Variants in SAMD4A observed in about 807,000 individuals in gnomAD.
SAMD4A encodes the protein protein Smaug homolog 1.
In SAMD4A, 33 loss-of-function variants were observed where a neutral mutation model predicts 81.3. The observed-to-expected ratio is 0.41, with a 90% CI of 0.31 to 0.54. SAMD4A has a LOEUF of 0.54. Ranked by LOEUF, SAMD4A falls within the 20% of genes least tolerant of loss-of-function variation. The pLI is 0.37. For synonymous variants in SAMD4A, 389 were observed against 382.1 expected (o/e 1.02, Z -0.21); for missense variants, 854 against 951.1 (o/e 0.90, Z 1.34).
intron 6 of SAMD4A, among the ~76,000 whole-genome samples, chr14:54,756,985 G>T (rs1456863482): frequency 6.6e-6 from 1 of 152,202 alleles, no homozygotes; most frequent in Admixed American, 6.5e-5. Context: ...GTGCCTCTTT[G>T]TGTTTATCAT....
intron 5 of SAMD4A, among the ~76,000 whole-genome samples, chr14:54,751,040 T>C (rs940867563): frequency 2.0e-5 from 3 of 152,254 alleles, no homozygotes; most frequent in African/African-American, 4.8e-5. Flanking sequence ...GGTGGGAAGA[T>C]TGCTTGAGCC....
chr14:54,747,521 T>C (rs2037996978), intron 4 of SAMD4A, among the ~76,000 whole-genome samples: 1 of 152,236 alleles, frequency 6.6e-6, no homozygotes, highest in Non-Finnish European at 1.5e-5. Flanking sequence ...TGTTTTGGAA[T>C]GTGTGTGGTC....
At chr14:54,759,433 A>G (rs1475958909) in intron 6 of SAMD4A, among the ~76,000 whole-genome samples, 1 of 151,976 alleles carries the variant, frequency 6.6e-6, no homozygotes, top group Non-Finnish European at 1.5e-5. Flanking sequence ...CCTCATGCCC[A>G]CGCTCATTTG....
At chr14:54,573,151 C>G (rs528517544) in intron 2 of SAMD4A, among the ~76,000 whole-genome samples, 1 of 152,318 alleles carries the variant, frequency 6.6e-6, no homozygotes, top group Non-Finnish European at 1.5e-5. Context: ...TTGGGTCAGT[C>G]TGGGATGACC....
chr14:54,763,810 C>T (rs982421657), intron 7 of SAMD4A, among the ~76,000 whole-genome samples: 5 of 152,186 alleles, frequency 3.3e-5, no homozygotes, highest in East Asian at 1.9e-4. Flanking sequence ...AAACCTAGTG[C>T]GTGTGTATAC....
chr14:54,637,215 G>C lies in SAMD4A; in HGVS notation c.197-64847G>C, dbSNP rs184578131. Among the ~76,000 whole-genome samples the C allele has an allele frequency of 6.9e-4, 104 of 151,708 alleles. No individual in the cohort carries two copies. The East Asian group carries it at 0.018, about 26-fold the overall frequency. ...CCTCGTCTCTACTAAAAATACAAAAGTTAGTTGGGCATGGTGGCGGACACC... is the reference window on the plus strand; with the variant it reads ...CCTCGTCTCTACTAAAAATACAAAACTTAGTTGGGCATGGTGGCGGACACC... On this transcript the variant is annotated intron_variant, in intron 2 of 12. Coordinates refer to ENST00000554335, the MANE Select transcript of SAMD4A (RefSeq NM_015589.6).
chr14:54,700,001 C>T (rs1011874018), intron 2 of SAMD4A, among the ~76,000 whole-genome samples: 1 of 152,236 alleles, frequency 6.6e-6, no homozygotes, highest in African/African-American at 2.4e-5. Flanking sequence ...GTTGTAAGCA[C>T]AGTAAACCCA....
chr14:54,603,391 A>G (rs1315052509), intron 2 of SAMD4A, among the ~76,000 whole-genome samples: 12 of 152,240 alleles, frequency 7.9e-5, no homozygotes, highest in Non-Finnish European at 1.8e-4. Context: ...TTTTATGAAT[A>G]TGGATTTTAA....
At chr14:54,584,056 G>T (rs763357087) in intron 2 of SAMD4A, among the ~76,000 whole-genome samples, 15 of 152,126 alleles carry the variant, frequency 9.9e-5, no homozygotes, top group Non-Finnish European at 7.3e-5. Context: ...CTGTCCCATA[G>T]ATAACCTTCT....
At chr14:54,656,011 A>G (rs2035512035) in intron 2 of SAMD4A, among the ~76,000 whole-genome samples, 2 of 152,228 alleles carry the variant, frequency 1.3e-5, no homozygotes, top group South Asian at 2.1e-4. Context: ...TGTTTGGCAT[A>G]TAATAAATGG....
At chr14:54,670,036 G>A (rs897289202) in intron 2 of SAMD4A, among the ~76,000 whole-genome samples, 4 of 152,136 alleles carry the variant, frequency 2.6e-5, no homozygotes, top group Admixed American at 6.5e-5. Flanking sequence ...CGTTGTGAAC[G>A]CACTGAGTGT....
In SAMD4A at chr14:54,694,623, A is replaced by G. The variant is rs1472854694; in HGVS notation, c.197-7439A>G. The G allele has an allele frequency of 5.1e-6, 5 of 985,508 alleles. No individual in the cohort carries two copies. In the African/African-American group the frequency reaches 5.2e-5, roughly 10 times the overall value. The allele number at this position is 985,508 out of a possible 1,614,324, so 61.0% of individuals were successfully genotyped here. On this transcript the variant is annotated intron_variant, in intron 2 of 12. Transcript: ENST00000554335. ...CAAACGTGGAGTTGTCTGCATACTC[A>G]TGGGCCAGAGGTCAGAACCGAGGCA...
intron 3 of SAMD4A, among the ~76,000 whole-genome samples, chr14:54,724,082 C>T (rs188901604): frequency 6.8e-5 from 10 of 146,158 alleles, no homozygotes; most frequent in South Asian, 2.2e-4. Flanking sequence ...CATAGGACCC[C>T]CACAGCAACC....
At chr14:54,656,960 A>T (rs1462979270) in intron 2 of SAMD4A, among the ~76,000 whole-genome samples, 1 of 151,424 alleles carries the variant, frequency 6.6e-6, no homozygotes, top group Non-Finnish European at 1.5e-5. Flanking sequence ...AACCACTGAC[A>T]TGATTTTTTT....
intron 5 of SAMD4A, among the ~76,000 whole-genome samples, chr14:54,750,624 G>A (rs1448566683): frequency 1.3e-5 from 2 of 152,164 alleles, no homozygotes; most frequent in Admixed American, 6.5e-5. Context: ...CAAAAGACAA[G>A]CTGCAAACTA....
chr14:54,755,013 G>A (rs925164209), intron 6 of SAMD4A: 21 of 222,700 alleles, frequency 9.4e-5, no homozygotes, highest in Non-Finnish European at 7.6e-5. Flanking sequence ...ATAGCAGGTG[G>A]GGGAAGCTTC....
intron 2 of SAMD4A, among the ~76,000 whole-genome samples, chr14:54,584,936 A>G (rs577410949): frequency 6.6e-6 from 1 of 152,302 alleles, no homozygotes; most frequent in Non-Finnish European, 1.5e-5. Context: ...GAAGAATTAT[A>G]TTTCTATTGT....
At chr14:54,783,083 C>A (rs1156568178) in intron 11 of SAMD4A, among the ~76,000 whole-genome samples, 4 of 152,052 alleles carry the variant, frequency 2.6e-5, no homozygotes, top group Non-Finnish European at 1.5e-5. Context: ...GCTGTGGACA[C>A]CCCCTCTGGG....
intron 2 of SAMD4A, among the ~76,000 whole-genome samples, chr14:54,569,343 A>G (rs1347942781): frequency 1.3e-5 from 2 of 152,122 alleles, no homozygotes; most frequent in African/African-American, 4.8e-5. Flanking sequence ...AAAACACTAG[A>G]ATGGGATGCT....
Sources: gnomAD v4.1 joint callset for allele counts (sites outside exome capture counted in the v4.1 genomes callset) on GRCh38, gnomAD v4.1.1 for gene constraint, MANE v1.5 for transcripts, NCBI Gene and HGNC (gene_info 2026-07-23, HGNC 2026-07-21) for gene names.